NOS1: variants seen among roughly 807,000 people sequenced by gnomAD.
NOS1 encodes the protein NOS type I.
NOS1 carries 51 observed loss-of-function variants against 164.5 expected under a neutral mutation model. That is an observed-to-expected ratio of 0.31 (90% CI 0.25 to 0.39). The LOEUF (loss-of-function observed/expected upper bound fraction) is 0.39, where lower values mean the gene tolerates loss of function less well. Ranked by LOEUF, NOS1 falls within the 10% of genes least tolerant of loss-of-function variation. NOS1 has a pLI of 1.00. For synonymous variants in NOS1, 719 were observed against 745.8 expected (o/e 0.96, Z 0.59); for missense variants, 1,362 against 1,885.6 (o/e 0.72, Z 5.14).
At chr12:117,332,640 G>A (rs1223300807) in intron 1 of NOS1, among the ~76,000 whole-genome samples, 2 of 152,084 alleles carry the variant, frequency 1.3e-5, no homozygotes, top group Non-Finnish European at 2.9e-5. Flanking sequence ...CAAGGCGGGC[G>A]GATCACCTGA....
intron 1 of NOS1, among the ~76,000 whole-genome samples, chr12:117,358,556 A>T (rs1401618464): frequency 1.3e-5 from 2 of 152,176 alleles, no homozygotes; most frequent in Non-Finnish European, 2.9e-5. Flanking sequence ...GCATACCAGC[A>T]TTGTTTCCAG....
chr12:117,327,872 G>A (rs964676756), intron 2 of NOS1, among the ~76,000 whole-genome samples: 5 of 152,132 alleles, frequency 3.3e-5, no homozygotes, highest in Admixed American at 3.3e-4. Context: ...ACTTGTGATG[G>A]AGCCCCTGTC....
At chr12:117,324,396 G>C (rs972652265) in intron 2 of NOS1, among the ~76,000 whole-genome samples, 4 of 152,272 alleles carry the variant, frequency 2.6e-5, no homozygotes, top group South Asian at 2.1e-4. Context: ...AGGGCAGCAA[G>C]CTGAGTAACC....
chr12:117,259,449 T>C (rs947622886), intron 14 of NOS1, among the ~76,000 whole-genome samples: 1 of 152,070 alleles, frequency 6.6e-6, no homozygotes, highest in Admixed American at 6.5e-5. Flanking sequence ...CTTGATGGAA[T>C]CCCATGGGAT....
In NOS1 at chr12:117,264,364, C is replaced by T. The variant is rs569918629; in HGVS notation, c.2137-390G>A. On this transcript the variant is annotated intron_variant, in intron 12 of 28. Transcript: ENST00000317775. The stretch of plus-strand genomic sequence containing the variant: ...CATAGCTCACTGCAGCCTTGACCTC[C>T]CTAGCTCAAGGGATCCTCCTAACTC... Among the ~76,000 whole-genome samples the T allele has an allele frequency of 2.0e-4, 30 of 152,262 alleles. No homozygotes were observed. The South Asian group carries it at 2.9e-3, about 15-fold the overall frequency.
In NOS1 at chr12:117,242,654, C is replaced by T. The variant is rs555358437; in HGVS notation, c.3014G>A (p.Arg1005His). The T allele has an allele frequency of 3.0e-5, 49 of 1,614,072 alleles. No individual in the cohort carries two copies. In the South Asian group the frequency reaches 4.3e-4, roughly 14 times the overall value. ...KRVSAARLLS[R>H]QNLQSPKSSR... ...GGATTTAGGGCTCTGGAGGTTTTGA[C>T]GGCTAAGGAGCCGGGCAGCTGAGAC... The change falls in exon 20 of 29, where the codon CGT becomes CAT. Residue 1005 changes from arginine to histidine, a missense_variant. Arg to His is a conservative substitution (Grantham distance 29). Transcript: ENST00000317775.
chr12:117,263,929 G>A lies in NOS1; in HGVS notation c.2182C>T (p.Pro728Ser). ...AAGCCAATGGCTCGCCGCTTTGTGG[G>A]GGTCCCGTTGGTGCCTTTCCAGACA... The part of the protein sequence containing the change: ...THVWKGTNGT[P>S]TKRRAIGFKK... Residue 728 changes from proline to serine, a missense_variant, in exon 13 of 29, where the codon CCC becomes TCC. This residue lies in a region of NOS1 where 737 missense variants were observed against 1,030.3 expected (regional missense o/e 0.72). Transcript: ENST00000317775. 1 of 1,613,962 alleles carries A rather than the reference G, an allele frequency of 6.2e-7. No homozygotes were observed. Among genetic ancestry groups the A allele is most frequent in the Non-Finnish European group, 8.5e-7 (1 of 1,179,928 alleles).
intron 7 of NOS1, among the ~76,000 whole-genome samples, chr12:117,283,056 A>ATATATATATATATATTT (rs1360367568): frequency 9.7e-5 from 9 of 92,950 alleles, no homozygotes; most frequent in African/African-American, 3.2e-4. Flanking sequence ...ATATATATAT[A>ATATATATATATATATTT]TTTTTTTTTT....
Position 117,234,320 on chromosome 12 carries a change from C to A in NOS1, c.3235+245G>T, listed in dbSNP as rs1263513931. ...GTGTCTAGTCAATGAAGGAAGGTAG[C>A]AGCCCCCTTTTTTCAATGGTGAGCC... On this transcript the variant is annotated intron_variant, in intron 21 of 28. Coordinates refer to ENST00000317775, the MANE Select transcript of NOS1 (RefSeq NM_000620.5). The surrounding 1 kb of genome is among the most constrained non-coding windows in gnomAD (Gnocchi z 4.3). Among the ~76,000 whole-genome samples, 2 of 152,192 alleles carry A rather than the reference C, an allele frequency of 1.3e-5. No homozygotes were observed. Among genetic ancestry groups the A allele is most frequent in the Non-Finnish European group, 2.9e-5 (2 of 68,040 alleles).
intron 26 of NOS1, 122 bp downstream of exon 26, chr12:117,222,593 G>T: frequency 1.1e-6 from 1 of 904,840 alleles, no homozygotes; most frequent in Non-Finnish European, 1.7e-6. Flanking sequence ...CTGAAGTACA[G>T]AGCAACTTCA....
chr12:117,278,549 G>C lies in NOS1; in HGVS notation c.1525-451C>G, dbSNP rs79813956. Among the ~76,000 whole-genome samples, 364 of 152,204 alleles carry C rather than the reference G, an allele frequency of 2.4e-3. 4 individuals are homozygous for C. Among genetic ancestry groups the C allele is most frequent in the East Asian group, 6.2e-3 (32 of 5,184 alleles). On this transcript the variant is annotated intron_variant, in intron 8 of 28. Transcript: ENST00000317775. Reference sequence around the variant, plus strand: ...AATATAAGGTATTGTAAGATACAAAGAAAATCTGCTGAATTTGATGAAGGC... The same window carrying C: ...AATATAAGGTATTGTAAGATACAAACAAAATCTGCTGAATTTGATGAAGGC...
chr12:117,260,411 C>T (rs1871805082), intron 14 of NOS1, 54 bp downstream of exon 14: 3 of 1,596,104 alleles, frequency 1.9e-6, no homozygotes, highest in Non-Finnish European at 2.6e-6. Flanking sequence ...CTCTCCCCTT[C>T]CTGCCTTAAT....
At chr12:117,269,509 C>T (rs886825022) in intron 10 of NOS1, among the ~76,000 whole-genome samples, 3 of 145,220 alleles carry the variant, frequency 2.1e-5, no homozygotes, top group African/African-American at 7.9e-5. Context: ...ACTCTGTCGC[C>T]AGGCTGGAGT....
At chr12:117,220,375 G>A (rs142378538) in intron 26 of NOS1, 106 bp from the exon 27 acceptor site, 2 of 1,140,684 alleles carry the variant, frequency 1.8e-6, no homozygotes, top group Non-Finnish European at 1.2e-6. Context: ...TTGTGGGCAG[G>A]TAGGATCTTT....
Position 117,211,366 on chromosome 12 carries a change from C to T in NOS1, c.*3943G>A. The T allele has an allele frequency of 1.0e-6, 1 of 985,510 alleles. No individual in the cohort carries two copies. The highest frequency in any genetic ancestry group is 1.7e-5 in the African/African-American group (1 of 57,338). 61.0% of individuals were successfully genotyped at this position (985,510 alleles called of 1,614,324 possible). On this transcript the variant is annotated 3_prime_UTR_variant, in exon 29 of 29. Coordinates refer to ENST00000317775, the MANE Select transcript of NOS1 (RefSeq NM_000620.5). Reference sequence around the variant, plus strand: ...CTTTATCACTACATCCGCCTCTTCCCTCACTCAAGCCTTGGTTGCAGCAAT... The same window carrying T: ...CTTTATCACTACATCCGCCTCTTCCTTCACTCAAGCCTTGGTTGCAGCAAT...
At chr12:117,220,819 C>A (rs561286851) in intron 26 of NOS1, among the ~76,000 whole-genome samples, 1 of 152,230 alleles carries the variant, frequency 6.6e-6, no homozygotes, top group Admixed American at 6.5e-5. Flanking sequence ...GAGGTGGGCA[C>A]AAGGCGTGTC....
At position 117,232,047 on chromosome 12, in the gene NOS1, G is replaced by A. The variant is rs201943901; in HGVS notation, c.3320C>T (p.Thr1107Met). The change falls in exon 22 of 29, where the codon ACG (threonine) becomes ATG (methionine). Residue 1107 changes from threonine to methionine, a missense_variant. Around this residue, in one of 4 missense-constraint regions of NOS1, gnomAD observed 737 missense variants for 1,030.3 expected, o/e 0.72. Coordinates refer to ENST00000317775, the MANE Select transcript of NOS1 (RefSeq NM_000620.5). The part of the protein sequence containing the change: ...QAFKYYLDIT[T>M]PPTPLQLQQF... The stretch of plus-strand genomic sequence containing the variant: ...CTGCAGCTGCAGAGGCGTTGGTGGC[G>A]TGGTGATGTCCAGGTAGTACTTGAA... 276 of 1,612,412 alleles carry A rather than the reference G, an allele frequency of 1.7e-4. No homozygotes were observed. Among genetic ancestry groups the A allele is most frequent in the Non-Finnish European group, 2.2e-4 (255 of 1,180,026 alleles).
At chr12:117,323,992 G>A (rs1875114522) in intron 2 of NOS1, among the ~76,000 whole-genome samples, 1 of 151,090 alleles carries the variant, frequency 6.6e-6, no homozygotes. Flanking sequence ...GTTTTGCCAT[G>A]TTGGCCAGGC....
chr12:117,322,680 T>TCC lies in NOS1; in HGVS notation c.725+7664_725+7665insGG, dbSNP rs1481064004. ...CTCCCTCCTTCCGTCCCTGCTTCCT[T>TCC]TCTTCCTTCCTTCCTTCCCTCCTTC... is the stretch of plus-strand genomic sequence containing the variant. On this transcript the variant is annotated intron_variant, in intron 2 of 28. Transcript: ENST00000317775. 9.1e-5 allele frequency among the ~76,000 whole-genome samples: 9 copies of TCC among 99,430 alleles called. No individual in the cohort carries two copies. The East Asian group carries it at 2.1e-3, about 23-fold the overall frequency. The allele number at this position is 99,430 out of a possible 152,430, so 65.2% of individuals were successfully genotyped here.
Sources: allele counts gnomAD v4.1 joint callset (sites outside exome capture counted in the v4.1 genomes callset), GRCh38; gene constraint gnomAD v4.1.1; regional missense constraint gnomAD v4.1.1; non-coding constraint Gnocchi (gnomAD v3.1); transcripts MANE v1.5; gene names NCBI Gene and HGNC (gene_info 2026-07-23, HGNC 2026-07-21).